The following SLAIN2 variants were observed in gnomAD, a reference collection of about 807,000 sequenced individuals.
SLAIN2 encodes SLAIN family member 2, also known as SLAIN motif-containing protein 2.
Under a neutral mutation model 56.6 loss-of-function variants are expected in SLAIN2, and 31 were observed. That is an observed-to-expected ratio of 0.55 (90% CI 0.41 to 0.74). The LOEUF (loss-of-function observed/expected upper bound fraction) is 0.74. Among genes scored for constraint, SLAIN2 ranks in the 30% least tolerant of loss-of-function variants. The pLI is 0.00. For missense variants in SLAIN2, 777 were observed against 754.2 expected (o/e 1.03, Z -0.35); for synonymous variants, 317 against 284.9 (o/e 1.11, Z -1.13).
chr4:48,378,497 T>C (rs1225400666), intron 3 of SLAIN2, among the ~76,000 whole-genome samples: 1 of 152,202 alleles, frequency 6.6e-6, no homozygotes, highest in African/African-American at 2.4e-5. Context: ...GTAAATGATG[T>C]GGGAAAGCCA....
intron 5 of SLAIN2, 55 bp downstream of exon 5, chr4:48,382,982 T>C: frequency 6.7e-7 from 1 of 1,485,116 alleles, no homozygotes; most frequent in Non-Finnish European, 9.0e-7. Context: ...CTGTGTAACA[T>C]AGCAAGACCC....
chr4:48,356,246 C>T (rs1019557246), intron 1 of SLAIN2, among the ~76,000 whole-genome samples: 1 of 152,120 alleles, frequency 6.6e-6, no homozygotes, highest in South Asian at 2.1e-4. Context: ...AAATAAACTG[C>T]ATGGATTATG....
At chr4:48,379,872 T>G in intron 4 of SLAIN2, 24 bp downstream of exon 4, 1 of 1,494,452 alleles carries the variant, frequency 6.7e-7, no homozygotes. Context: ...TTGTTAAGAG[T>G]TGAGGTTTTT....
rs1560458352 is a variant in SLAIN2 at position 48,382,665 on chromosome 4, T to C, written c.960T>C (p.Asp320=). ...RRGTFSDQEL[D]AQSLDDEDDN... ...GTACTTTTAGTGATCAGGAACTTGATGCACAAAGTTTAGATGATGAAGATG... is the reference window on the plus strand; with the variant it reads ...GTACTTTTAGTGATCAGGAACTTGACGCACAAAGTTTAGATGATGAAGATG... The change falls in exon 5 of 8, where the codon GAT becomes GAC. Residue 320 remains aspartate (D), a synonymous_variant. Coordinates refer to ENST00000264313, the MANE Select transcript of SLAIN2 (RefSeq NM_020846.2). 6.2e-7 allele frequency: 1 copy of C among 1,613,928 alleles called. No homozygotes were observed. Among genetic ancestry groups the C allele is most frequent in the Non-Finnish European group, 8.5e-7 (1 of 1,179,840 alleles).
At chr4:48,376,433 T>A (rs1244000543) in intron 2 of SLAIN2, among the ~76,000 whole-genome samples, 1 of 134,034 alleles carries the variant, frequency 7.5e-6, no homozygotes, top group African/African-American at 2.9e-5. Flanking sequence ...CCAGCCTGGG[T>A]GACAGCAAAA....
At chr4:48,420,886 T>A (rs1167098495) in intron 7 of SLAIN2, among the ~76,000 whole-genome samples, 1 of 152,218 alleles carries the variant, frequency 6.6e-6, no homozygotes. Context: ...CAGAATTATC[T>A]GTGAGATTTA....
In SLAIN2 at chr4:48,341,960, AGTCGGGCGGCGGGCCCGG is replaced by A. The variant is rs1463584539; in HGVS notation, c.229_246del (p.Gly77_Gly82del). ...GGCTTCCCCTTGGGCCTCAGCGCCAAGTCGGGCGGCGGGCCCGGGTCGGGCCCGAGGCGGACGAGTAGC... is the reference window on the plus strand; with the variant it reads ...GGCTTCCCCTTGGGCCTCAGCGCCAAGTCGGGCCCGAGGCGGACGAGTAGC... On this transcript the variant is annotated inframe_deletion, in exon 1 of 8. Transcript: ENST00000264313. The A allele has an allele frequency of 4.1e-6, 6 of 1,446,646 alleles. No individual in the cohort carries two copies. The Admixed American group carries it at 1.3e-4, about 30-fold the overall frequency. The allele number at this position is 1,446,646 out of a possible 1,614,324, so 89.6% of individuals were successfully genotyped here.
chr4:48,421,907 A>G lies in SLAIN2; in HGVS notation c.1680-104A>G, dbSNP rs898393203. The G allele has an allele frequency of 1.2e-5, 11 of 914,818 alleles. No individual in the cohort carries two copies. In the African/African-American group the frequency reaches 1.6e-4, roughly 14 times the overall value. 56.7% of individuals were successfully genotyped at this position (914,818 alleles called of 1,614,324 possible). ...TAGGACTTGGTACGGCCTTCATGGG[A>G]TCGTGATGCCACCTGAAGAGTAATT... On this transcript the variant is annotated intron_variant, in intron 7 of 7. Transcript: ENST00000264313.
chr4:48,383,857 G>C (rs377667950), intron 6 of SLAIN2, 73 bp downstream of exon 6: 3 of 1,484,804 alleles, frequency 2.0e-6, no homozygotes, highest in East Asian at 2.4e-5. Context: ...TTTGTTTTAT[G>C]CTGAAAAACC....
intron 1 of SLAIN2, among the ~76,000 whole-genome samples, chr4:48,357,997 C>G (rs1715207345): frequency 1.3e-5 from 2 of 152,188 alleles, no homozygotes; most frequent in Non-Finnish European, 2.9e-5. Context: ...CCACGCCTGG[C>G]CCTATTAAAG....
intron 2 of SLAIN2, among the ~76,000 whole-genome samples, chr4:48,374,390 C>G (rs1479008690): frequency 2.0e-5 from 3 of 151,962 alleles, no homozygotes; most frequent in Non-Finnish European, 4.4e-5. Flanking sequence ...GTGCCTGCCA[C>G]CAGACCCAGC....
At position 48,341,867 on chromosome 4, in the gene SLAIN2, C is replaced by A; in HGVS notation, c.128C>A (p.Ser43Tyr). The A allele has an allele frequency of 1.3e-6, 2 of 1,519,774 alleles. No homozygotes were observed. The highest frequency in any genetic ancestry group is 2.5e-5 in the South Asian group (2 of 81,402). The allele number at this position is 1,519,774 out of a possible 1,614,324, so 94.1% of individuals were successfully genotyped here. A position where few individuals can be genotyped will look rare whatever the true frequency, so the allele number is the denominator to read the frequency against. ...SRSGAVQGAG[S>Y]LGPGSPVRAG... ...TCGGGGGCCGTGCAGGGCGCCGGCT[C>A]CCTTGGGCCCGGCAGCCCGGTTCGG... is the stretch of plus-strand genomic sequence containing the variant. The change falls in exon 1 of 8, where the codon TCC becomes TAC. Residue 43 changes from serine (S) to tyrosine (Y), a missense_variant. Physicochemically the swap from Ser to Tyr is moderately radical, Grantham distance 144. Coordinates refer to ENST00000264313, the MANE Select transcript of SLAIN2 (RefSeq NM_020846.2).
intron 6 of SLAIN2, among the ~76,000 whole-genome samples, chr4:48,399,297 C>G (rs779449454): frequency 5.3e-5 from 8 of 151,982 alleles, no homozygotes; most frequent in Non-Finnish European, 8.8e-5. Flanking sequence ...TGATTTGGCC[C>G]TCCGCTTGCC....
At chr4:48,408,460 A>C (rs1716758898) in intron 6 of SLAIN2, among the ~76,000 whole-genome samples, 1 of 148,914 alleles carries the variant, frequency 6.7e-6, no homozygotes, top group African/African-American at 2.4e-5. Flanking sequence ...TGGAGGTGGA[A>C]GATAGTGATA....
At chr4:48,410,099 T>G (rs1716806009) in intron 6 of SLAIN2, among the ~76,000 whole-genome samples, 1 of 152,142 alleles carries the variant, frequency 6.6e-6, no homozygotes, top group South Asian at 2.1e-4. Context: ...TTTCTCCATC[T>G]CCTCAGTAAC....
intron 1 of SLAIN2, among the ~76,000 whole-genome samples, chr4:48,353,231 C>G (rs923257396): frequency 7.2e-5 from 11 of 152,150 alleles, no homozygotes; most frequent in African/African-American, 2.7e-4. Context: ...CAATGGAGCA[C>G]TAACCAGATG....
intron 6 of SLAIN2, among the ~76,000 whole-genome samples, chr4:48,397,868 G>A (rs557981823): frequency 6.6e-6 from 1 of 152,166 alleles, no homozygotes; most frequent in Non-Finnish European, 1.5e-5. Flanking sequence ...GTACTCCATG[G>A]TGTATATGTA....
chr4:48,405,610 A>T (rs1323752816), intron 6 of SLAIN2, among the ~76,000 whole-genome samples: 1 of 146,906 alleles, frequency 6.8e-6, no homozygotes, highest in East Asian at 2.0e-4. Context: ...TTGCAAAACT[A>T]TTTTTTTTTT....
intron 1 of SLAIN2, among the ~76,000 whole-genome samples, chr4:48,367,722 A>G (rs989640955): frequency 1.3e-5 from 2 of 152,168 alleles, no homozygotes; most frequent in Non-Finnish European, 2.9e-5. Flanking sequence ...AAGATGCCAA[A>G]GCACTTTGCA....
Sources: allele counts gnomAD v4.1 joint callset (sites outside exome capture counted in the v4.1 genomes callset), GRCh38; gene constraint gnomAD v4.1.1; transcripts MANE v1.5; gene names NCBI Gene and HGNC (gene_info 2026-07-23, HGNC 2026-07-21).